WSB2: variants seen among roughly 807,000 people sequenced by gnomAD.
WSB2 encodes the protein WD repeat and SOCS box-containing protein 2.
A neutral mutation model predicts 48.8 loss-of-function variants in WSB2; 12 were observed. The observed-to-expected ratio is 0.25, with a 90% confidence interval of 0.16 to 0.40. The LOEUF is 0.40. WSB2 is among the 10% of genes least tolerant of loss of function. WSB2 has a pLI of 1.00. For synonymous variants in WSB2, 191 were observed against 203.1 expected, an observed-to-expected ratio of 0.94 and a Z score of 0.51; for missense variants, 317 against 506.2, an observed-to-expected ratio of 0.63 and a Z score of 3.59.
rs997732142 is a variant in WSB2, at chr12:118,036,940, G to C, written c.661-430C>G. ...CTCATGCCTGTAATCTCAGCACTTT[G>C]GGTGGCTGAGGTGGGTGGATCACAT... On this transcript the variant is annotated intron_variant, in intron 5 of 8. Transcript: ENST00000315436. 1.5e-4 allele frequency among the ~76,000 whole-genome samples: 23 copies of C among 152,188 alleles called. 1 individual carries two copies. The highest frequency in any genetic ancestry group is 5.5e-4 in the African/African-American group (23 of 41,444).
Position 118,036,503 on chromosome 12 carries a change from A to G in WSB2, c.668T>C (p.Leu223Pro), listed in dbSNP as rs1186812820. ...CSAAGEKSVF[L>P]WSMRSYTLIR... ...TAACGTGTAGGACCTCATGCTCCAT[A>G]GAAAGACCTGTGGAAAGTAAGAAGT... The change falls in exon 6 of 9, where the codon CTA becomes CCA. Residue 223 changes from leucine (L) to proline (P), a missense_variant. By Grantham distance (98) the Leu-to-Pro change is moderately conservative (BLOSUM62 -3). Coordinates refer to ENST00000315436, the MANE Select transcript of WSB2 (RefSeq NM_018639.5). The G allele has an allele frequency of 6.2e-7, 1 of 1,611,616 alleles. No individual in the cohort carries two copies. Among genetic ancestry groups the G allele is most frequent in the Non-Finnish European group, 8.5e-7 (1 of 1,178,282 alleles).
intron 2 of WSB2, among the ~76,000 whole-genome samples, chr12:118,048,535 G>A (rs1053996505): frequency 2.0e-5 from 3 of 150,646 alleles, no homozygotes; most frequent in African/African-American, 4.9e-5. Flanking sequence ...AAAGTGAGCC[G>A]AGATGCGCCA....
intron 2 of WSB2, among the ~76,000 whole-genome samples, chr12:118,047,312 C>T (rs538387833): frequency 2.0e-4 from 30 of 152,160 alleles, no homozygotes; most frequent in African/African-American, 7.2e-4. Flanking sequence ...GCTAATGAAT[C>T]AAGGGATGAG....
intron 4 of WSB2, among the ~76,000 whole-genome samples, chr12:118,041,596 T>A (rs2031637061): frequency 6.6e-6 from 1 of 151,950 alleles, no homozygotes; most frequent in Non-Finnish European, 1.5e-5. Flanking sequence ...ACAAGTGGCC[T>A]CTTCATGACC....
chr12:118,034,417 G>A, intron 8 of WSB2, 59 bp from the exon 9 acceptor site: 12 of 1,573,414 alleles, frequency 7.6e-6, no homozygotes, highest in Non-Finnish European at 1.0e-5. Flanking sequence ...TTTTCATGAG[G>A]ATGAATACTC....
intron 4 of WSB2, 62 bp from the exon 5 acceptor site, chr12:118,038,450 G>T: frequency 6.7e-7 from 1 of 1,503,720 alleles, no homozygotes; most frequent in South Asian, 1.2e-5. Context: ...ACTGGAGAAC[G>T]GGAGAACTGG....
chr12:118,061,935 G>A (rs947285073), upstream of WSB2, among the ~76,000 whole-genome samples: 1 of 145,728 alleles, frequency 6.9e-6, no homozygotes, highest in Non-Finnish European at 1.5e-5. Flanking sequence ...CAAGGCTAGG[G>A]TAAAACAAGG....
intron 2 of WSB2, among the ~76,000 whole-genome samples, chr12:118,044,531 T>G (rs886595826): frequency 6.6e-6 from 1 of 152,186 alleles, no homozygotes; most frequent in African/African-American, 2.4e-5. Context: ...ATTTACTTCC[T>G]AACTGATGGT....
At chr12:118,034,663 A>C (rs749061550) in intron 8 of WSB2, 2 of 492,832 alleles carry the variant, frequency 4.1e-6, no homozygotes, top group Non-Finnish European at 7.2e-6. Flanking sequence ...CACCTACTGA[A>C]TTATAGATGT....
At chr12:118,034,677 C>T in intron 8 of WSB2, 1 of 491,182 alleles carries the variant, frequency 2.0e-6, no homozygotes, top group Non-Finnish European at 3.6e-6. Flanking sequence ...TAGATGTTAC[C>T]TGTAAAGTGG....
intron 1 of WSB2, among the ~76,000 whole-genome samples, chr12:118,056,130 A>C (rs1420140403): frequency 6.6e-6 from 1 of 151,996 alleles, no homozygotes; most frequent in Non-Finnish European, 1.5e-5. Flanking sequence ...TCAGTTTCAA[A>C]CACTGTTAGA....
chr12:118,040,486 C>T (rs1443655256), intron 4 of WSB2, among the ~76,000 whole-genome samples: 4 of 151,998 alleles, frequency 2.6e-5, no homozygotes, highest in South Asian at 2.1e-4. Flanking sequence ...GCCAGCCGAG[C>T]GTGGTACCTC....
At chr12:118,062,089 C>T (rs1330483316), upstream of WSB2, 5 of 1,534,828 alleles carry the variant, frequency 3.3e-6, no homozygotes, top group Middle Eastern at 1.7e-4. Flanking sequence ...AAGACTGTCC[C>T]CTTACCTACC....
intron 2 of WSB2, among the ~76,000 whole-genome samples, chr12:118,049,162 G>A (rs1305710422): frequency 6.6e-6 from 1 of 152,158 alleles, no homozygotes; most frequent in Non-Finnish European, 1.5e-5. Context: ...TGTATTTCAG[G>A]TAGGGAATTA....
rs1314222855 is a variant in WSB2 at position 118,043,117 on chromosome 12, G to A, written c.427+16C>T. 1.1e-5 allele frequency: 17 copies of A among 1,614,178 alleles called. No homozygotes were observed. The highest frequency in any genetic ancestry group is 1.4e-5 in the Non-Finnish European group (17 of 1,180,010). ...CCGAGCCTCCCAGAACCTTGTGCCA[G>A]CCAGGAATGACCTACCTGTCTGCAC... On this transcript the variant is annotated intron_variant, in intron 3 of 8. Transcript: ENST00000315436.
At position 118,032,812 on chromosome 12, in the gene WSB2, G is replaced by A. The variant is rs1257470261; in HGVS notation, c.*1384C>T. On this transcript the variant is annotated 3_prime_UTR_variant, in exon 9 of 9. Coordinates refer to ENST00000315436, the MANE Select transcript of WSB2 (RefSeq NM_018639.5). ...CCCACCTCAGCCTCCCAAAGTGCTG[G>A]GATTACAGGCATGTGCCGTCACACC... is the stretch of plus-strand genomic sequence containing the variant. 1 of 152,174 alleles carries A rather than the reference G, an allele frequency of 6.6e-6. No individual in the cohort carries two copies. Among genetic ancestry groups the A allele is most frequent in the Non-Finnish European group, 1.5e-5 (1 of 68,064 alleles). The allele number at this position is 152,174 out of a possible 1,614,324, so 9.4% of individuals were successfully genotyped here.
intron 5 of WSB2, among the ~76,000 whole-genome samples, chr12:118,037,314 A>G (rs1799822169): frequency 6.6e-6 from 1 of 152,192 alleles, no homozygotes; most frequent in African/African-American, 2.4e-5. Flanking sequence ...CCTCTGACCT[A>G]GCTCATCACT....
chr12:118,058,893 A>T (rs1348961610), intron 1 of WSB2, among the ~76,000 whole-genome samples: 2 of 151,954 alleles, frequency 1.3e-5, no homozygotes, highest in Non-Finnish European at 2.9e-5. Context: ...ACGGAGTTTC[A>T]TTATGTTGGT....
chr12:118,056,066 C>T (rs576735904), intron 1 of WSB2, among the ~76,000 whole-genome samples: 123 of 152,224 alleles, frequency 8.1e-4, no homozygotes, highest in African/African-American at 2.7e-3. Context: ...TCCAGCTGCT[C>T]TCCCGGCTTC....
Sources: allele counts gnomAD v4.1 joint callset (sites outside exome capture counted in the v4.1 genomes callset), GRCh38; gene constraint gnomAD v4.1.1; transcripts MANE v1.5; gene names NCBI Gene and HGNC (gene_info 2026-07-23, HGNC 2026-07-21).